The following TC2N variants were observed in gnomAD, a reference collection of about 807,000 sequenced individuals.
TC2N encodes the protein tandem C2 domains, nuclear.
Under a neutral mutation model 61.9 loss-of-function variants are expected in TC2N, and 51 were observed. The observed-to-expected ratio is 0.82, with a 90% CI of 0.66 to 1.04. TC2N has a LOEUF of 1.04. Ranked by LOEUF, TC2N falls within the 50% of genes least tolerant of loss-of-function variation. The probability of loss-of-function intolerance (pLI) is 0.00; values close to 1 mark genes in which losing one functional copy is unlikely to be tolerated. For synonymous variants in TC2N, 204 were observed against 192.6 expected (o/e 1.06, Z -0.49); for missense variants, 556 against 566.7 (o/e 0.98, Z 0.19).
At chr14:91,826,579 A>G (rs1887511034) in intron 1 of TC2N, among the ~76,000 whole-genome samples, 1 of 152,084 alleles carries the variant, frequency 6.6e-6, no homozygotes, top group African/African-American at 2.4e-5. Flanking sequence ...GTCTGATATA[A>G]CTAGAATTTC....
chr14:91,786,297 A>G (rs1005907935), intron 10 of TC2N, among the ~76,000 whole-genome samples: 1 of 151,726 alleles, frequency 6.6e-6, no homozygotes, highest in African/African-American at 2.4e-5. Flanking sequence ...TTCTTTTAGG[A>G]TTCTCCATCT....
intron 1 of TC2N, among the ~76,000 whole-genome samples, chr14:91,853,668 AC>A (rs1888422271): frequency 2.3e-5 from 1 of 43,466 alleles, no homozygotes; most frequent in Non-Finnish European, 4.9e-5. Flanking sequence ...ACACACACAC[AC>A]ACACACACAC....
chr14:91,816,387 C>A (rs1230616213), intron 1 of TC2N, among the ~76,000 whole-genome samples: 1 of 151,730 alleles, frequency 6.6e-6, no homozygotes, highest in Non-Finnish European at 1.5e-5. Context: ...TGATGTTGAG[C>A]TTCTTGTCAT....
intron 1 of TC2N, among the ~76,000 whole-genome samples, chr14:91,857,144 G>A (rs1222030962): frequency 6.6e-6 from 1 of 152,166 alleles, no homozygotes; most frequent in Non-Finnish European, 1.5e-5. Context: ...TGGCCCTCAT[G>A]ACAGAATTTC....
chr14:91,853,108 A>C (rs897935497), intron 1 of TC2N, among the ~76,000 whole-genome samples: 3 of 152,082 alleles, frequency 2.0e-5, no homozygotes, highest in Admixed American at 6.5e-5. Flanking sequence ...CAACAAAAAC[A>C]CAACATGGCT....
intron 3 of TC2N, among the ~76,000 whole-genome samples, chr14:91,810,766 A>G (rs979466725): frequency 2.6e-5 from 4 of 152,118 alleles, no homozygotes; most frequent in African/African-American, 9.7e-5. Flanking sequence ...TAAAAAATTC[A>G]TGAATAGGCT....
intron 1 of TC2N, among the ~76,000 whole-genome samples, chr14:91,836,746 C>T (rs944660353): frequency 2.0e-5 from 3 of 152,156 alleles, no homozygotes; most frequent in African/African-American, 4.8e-5. Flanking sequence ...TTGGCAGCCC[C>T]TTCCTGGGAA....
chr14:91,854,937 G>A (rs544001141), intron 1 of TC2N, among the ~76,000 whole-genome samples: 68 of 152,330 alleles, frequency 4.5e-4, no homozygotes, highest in African/African-American at 1.6e-3. Context: ...AGAGGAGGCT[G>A]CTATTCCTTG....
intron 1 of TC2N, among the ~76,000 whole-genome samples, chr14:91,829,432 A>G (rs1887649349): frequency 6.6e-6 from 1 of 152,084 alleles, no homozygotes; most frequent in Admixed American, 6.5e-5. Context: ...AGTTCATTCA[A>G]TCTCTTTGTG....
intron 1 of TC2N, among the ~76,000 whole-genome samples, chr14:91,856,918 C>T (rs544948385): frequency 9.9e-5 from 15 of 152,280 alleles, no homozygotes; most frequent in Middle Eastern, 3.4e-3. Context: ...GCAAGGAGAG[C>T]CCCGTGGATT....
chr14:91,785,056 G>A, intron 11 of TC2N, 106 bp downstream of exon 11: 2 of 681,072 alleles, frequency 2.9e-6, no homozygotes, highest in South Asian at 3.2e-5. Flanking sequence ...TTATGATGCT[G>A]AAGAACTGTA....
chr14:91,849,758 G>C (rs945357643), intron 1 of TC2N, among the ~76,000 whole-genome samples: 11 of 152,108 alleles, frequency 7.2e-5, no homozygotes. Flanking sequence ...TTAAAGATGG[G>C]GTTTAGAGGC....
At chr14:91,789,429 TAA>T (rs112943280) in intron 9 of TC2N, among the ~76,000 whole-genome samples, 8 of 133,726 alleles carry the variant, frequency 6.0e-5, no homozygotes, top group Non-Finnish European at 8.1e-5. Context: ...CTGTCTCTAC[TAA>T]AAAAAAAAAA....
chr14:91,806,699 G>C (rs924617063), intron 3 of TC2N, among the ~76,000 whole-genome samples: 13 of 151,914 alleles, frequency 8.6e-5, no homozygotes, highest in African/African-American at 2.9e-4. Flanking sequence ...TTTTAAAAGA[G>C]AGCATAAAAG....
At chr14:91,807,945 T>TC (rs1196842872) in intron 3 of TC2N, among the ~76,000 whole-genome samples, 3 of 152,188 alleles carry the variant, frequency 2.0e-5, no homozygotes, top group African/African-American at 7.2e-5. Flanking sequence ...GGGCAGTTTC[T>TC]CCCATACTGT....
At chr14:91,839,746 A>G (rs1888129681) in intron 1 of TC2N, among the ~76,000 whole-genome samples, 1 of 152,238 alleles carries the variant, frequency 6.6e-6, no homozygotes. Flanking sequence ...AGAACATAAC[A>G]GCAGAAGCCT....
chr14:91,840,781 G>GCTTTTTT (rs1355511862), intron 1 of TC2N, among the ~76,000 whole-genome samples: 1 of 152,146 alleles, frequency 6.6e-6, no homozygotes, highest in African/African-American at 2.4e-5. Context: ...GAGAAGAGTT[G>GCTTTTTT]CTTTTTTCTT....
chr14:91,843,994 G>A (rs566979955), intron 1 of TC2N, among the ~76,000 whole-genome samples: 1 of 152,232 alleles, frequency 6.6e-6, no homozygotes, highest in South Asian at 2.1e-4. Flanking sequence ...TTGAGGAAAT[G>A]TGGGAGCTCT....
intron 1 of TC2N, among the ~76,000 whole-genome samples, chr14:91,818,526 A>G (rs1008365598): frequency 2.0e-5 from 3 of 152,174 alleles, no homozygotes; most frequent in Non-Finnish European, 2.9e-5. Context: ...AGTACCAGGT[A>G]TACAAGGAAG....
Sources: gnomAD v4.1 joint callset for allele counts (sites outside exome capture counted in the v4.1 genomes callset) on GRCh38, gnomAD v4.1.1 for gene constraint, MANE v1.5 for transcripts, NCBI Gene and HGNC (gene_info 2026-07-23, HGNC 2026-07-21) for gene names.